Variants in MMS22L observed in about 807,000 individuals in gnomAD.
The protein encoded by MMS22L is protein MMS22-like.
Under a neutral mutation model 159.1 loss-of-function variants are expected in MMS22L, and 74 were observed. The observed-to-expected ratio is 0.47, with a 90% confidence interval of 0.39 to 0.56. MMS22L has a LOEUF of 0.56. Ranked by LOEUF, MMS22L falls within the 20% of genes least tolerant of loss-of-function variation. The pLI is 0.00. For synonymous variants in MMS22L, 517 were observed against 506.9 expected (o/e 1.02, Z -0.27); for missense variants, 1,351 against 1,422.1 (o/e 0.95, Z 0.80).
chr6:97,225,586 C>CTTTTTTTTTTTTTTTTT (rs1810148226), intron 14 of MMS22L, among the ~76,000 whole-genome samples: 3 of 136,614 alleles, frequency 2.2e-5, no homozygotes, highest in African/African-American at 8.2e-5. Context: ...TTTTTTTTTT[C>CTTTTTTTTTTTTTTTTT]TTTTGAGACC....
chr6:97,259,902 C>T (rs1437950365), intron 9 of MMS22L: 1 of 152,110 alleles, frequency 6.6e-6, no homozygotes, highest in Admixed American at 6.5e-5. Flanking sequence ...TTGGAGGGTA[C>T]ACATTTAGAG....
chr6:97,187,074 C>T (rs1805321750), intron 14 of MMS22L, among the ~76,000 whole-genome samples: 1 of 151,596 alleles, frequency 6.6e-6, no homozygotes, highest in African/African-American at 2.4e-5. Context: ...CATGGATGTA[C>T]CAAGAGGAAG....
At chr6:97,195,440 TA>T (rs1806388262) in intron 14 of MMS22L, among the ~76,000 whole-genome samples, 1 of 152,204 alleles carries the variant, frequency 6.6e-6, no homozygotes, top group South Asian at 2.1e-4. Flanking sequence ...AAGGAATATA[TA>T]AAAGAACAAG....
intron 24 of MMS22L, among the ~76,000 whole-genome samples, chr6:97,149,495 C>T (rs1801110461): frequency 6.6e-6 from 1 of 152,076 alleles, no homozygotes. Flanking sequence ...TTATGATTTG[C>T]CACCATAAAT....
rs1248219228 is a variant in MMS22L at position 97,246,665 on chromosome 6, A to G, written c.1145T>C (p.Phe382Ser). The stretch of plus-strand genomic sequence containing the variant: ...GGACTTTTTCAGCAGTTCTTCTACA[A>G]AGTTCCAATTTGATTCCACTTTTCT... ...EMRKVESNWN[F>S]VEELLKKSIS... The change falls in exon 11 of 25, where the codon TTT (phenylalanine) becomes TCT (serine). Residue 382 changes from phenylalanine (F) to serine (S), a missense_variant. By Grantham distance (155) the Phe-to-Ser change is radical (BLOSUM62 -2). Transcript: ENST00000683635. The G allele has an allele frequency of 1.9e-6, 3 of 1,611,552 alleles. No homozygotes were observed. The highest frequency in any genetic ancestry group is 2.5e-6 in the Non-Finnish European group (3 of 1,178,876).
intron 11 of MMS22L, among the ~76,000 whole-genome samples, chr6:97,238,600 TG>T (rs1384731700): frequency 6.6e-6 from 1 of 151,430 alleles, no homozygotes; most frequent in East Asian, 2.0e-4. Flanking sequence ...TGTGTGTGTG[TG>T]TGTTTGAGTG....
intron 11 of MMS22L, among the ~76,000 whole-genome samples, chr6:97,234,541 C>A (rs1811197627): frequency 6.6e-6 from 1 of 152,160 alleles, no homozygotes; most frequent in Non-Finnish European, 1.5e-5. Context: ...AAATAACACA[C>A]TGAATTCCAA....
chr6:97,187,168 A>C (rs1619302), intron 14 of MMS22L, among the ~76,000 whole-genome samples: 2,538 of 152,276 alleles, frequency 0.017, 29 homozygotes, highest in Non-Finnish European at 0.028. Flanking sequence ...TAGTAGACAA[A>C]ACTATGCTAG....
intron 18 of MMS22L, 50 bp from the exon 19 acceptor site, chr6:97,173,272 A>C: frequency 6.4e-7 from 1 of 1,555,412 alleles, no homozygotes; most frequent in South Asian, 1.2e-5. Flanking sequence ...TATACCATAA[A>C]GATTTGGAAC....
intron 14 of MMS22L, among the ~76,000 whole-genome samples, chr6:97,215,112 ATAT>A (rs1250992799): frequency 5.7e-4 from 46 of 80,088 alleles, no homozygotes; most frequent in South Asian, 1.1e-3. Flanking sequence ...ATATATATAT[ATAT>A]TTTTTTTTTG....
At chr6:97,252,098 G>T (rs201886197) in intron 10 of MMS22L, among the ~76,000 whole-genome samples, 1 of 146,812 alleles carries the variant, frequency 6.8e-6, no homozygotes, top group South Asian at 2.2e-4. Context: ...AAAAAAAAAA[G>T]AAATAGAAGA....
At chr6:97,263,531 G>T (rs1233347934) in intron 8 of MMS22L, 83 bp from the exon 9 acceptor site, 2 of 589,432 alleles carry the variant, frequency 3.4e-6, no homozygotes, top group Non-Finnish European at 5.6e-6. Context: ...ACTTTTAAAA[G>T]AATGATTTAG....
chr6:97,201,957 C>T (rs1045363084), intron 14 of MMS22L, among the ~76,000 whole-genome samples: 1 of 152,164 alleles, frequency 6.6e-6, no homozygotes, highest in Non-Finnish European at 1.5e-5. Flanking sequence ...TTCCCTCGAA[C>T]AATACTTTTA....
intron 14 of MMS22L, among the ~76,000 whole-genome samples, chr6:97,218,583 T>C (rs977560609): frequency 1.3e-5 from 2 of 152,166 alleles, no homozygotes; most frequent in East Asian, 1.9e-4. Context: ...GTTAAATTTG[T>C]TGAATAAATT....
intron 14 of MMS22L, among the ~76,000 whole-genome samples, chr6:97,189,372 C>G (rs1364462205): frequency 1.3e-5 from 2 of 150,614 alleles, no homozygotes; most frequent in Admixed American, 1.3e-4. Context: ...CCAGCCTGGG[C>G]AACATAGTGA....
At chr6:97,182,214 G>A (rs1804791104) in intron 15 of MMS22L, among the ~76,000 whole-genome samples, 160 bp from the exon 16 acceptor site, 1 of 150,282 alleles carries the variant, frequency 6.7e-6, no homozygotes, top group Non-Finnish European at 1.5e-5. Flanking sequence ...AGCTAAAACT[G>A]AACAAATTCA....
chr6:97,236,323 C>CAAAAA (rs58792910), intron 11 of MMS22L, among the ~76,000 whole-genome samples: 2 of 94,614 alleles, frequency 2.1e-5, no homozygotes, highest in Non-Finnish European at 4.4e-5. Flanking sequence ...ACTCTTTCTC[C>CAAAAA]AAAAAAAAAA....
At chr6:97,154,727 G>C (rs746228887) in intron 22 of MMS22L, among the ~76,000 whole-genome samples, 2 of 152,006 alleles carry the variant, frequency 1.3e-5, no homozygotes, top group Non-Finnish European at 2.9e-5. Context: ...AAATTGTCTT[G>C]GCACTCTTGT....
intron 7 of MMS22L, among the ~76,000 whole-genome samples, chr6:97,269,693 A>G (rs1014164771): frequency 2.0e-5 from 3 of 152,150 alleles, no homozygotes; most frequent in Non-Finnish European, 4.4e-5. Context: ...ATATATGTAT[A>G]CTAACAGATA....
Sources: allele counts gnomAD v4.1 joint callset (sites outside exome capture counted in the v4.1 genomes callset), GRCh38; gene constraint gnomAD v4.1.1; transcripts MANE v1.5; gene names NCBI Gene and HGNC (gene_info 2026-07-23, HGNC 2026-07-21).